The following CGN variants were observed in gnomAD, a reference collection of about 807,000 sequenced individuals.
The protein encoded by CGN is cingulin.
CGN carries 121 observed loss-of-function variants against 157.1 expected under a neutral mutation model. The ratio of observed to expected loss-of-function variants is 0.77; its 90% CI spans 0.66 to 0.90. The LOEUF is 0.90. Among genes scored for constraint, CGN ranks in the 40% least tolerant of loss-of-function variants. The probability of loss-of-function intolerance (pLI) is 0.00; values close to 1 mark genes in which losing one functional copy is unlikely to be tolerated. For synonymous variants in CGN, 535 were observed against 607.5 expected (o/e 0.88, Z 1.76); for missense variants, 1,424 against 1,520.9 (o/e 0.94, Z 1.06).
Position 151,529,588 on chromosome 1 carries a change from G to A in CGN, c.2106+29G>A, listed in dbSNP as rs113178036. 2,443 of 1,591,148 alleles carry A rather than the reference G, an allele frequency of 1.5e-3. 25 individuals carry two copies. In the African/African-American group the frequency reaches 0.015, roughly 10 times the overall value. ...AGGGGAGTGGGCACAGGGCTTAGGA[G>A]GTGGAGGCTGAGGGTGTCTGGAGGG... On this transcript the variant is annotated intron_variant, in intron 11 of 20. Coordinates refer to ENST00000271636, the MANE Select transcript of CGN (RefSeq NM_020770.3).
chr1:151,537,782 G>A lies in CGN; in HGVS notation c.*436G>A, dbSNP rs1183168359. On this transcript the variant is annotated 3_prime_UTR_variant, in exon 21 of 21. Transcript: ENST00000271636. ...CTCATTTTCCTTCCACTCTGGAGCA[G>A]GGTGAGGGGAATGTTATGGGTAACA... 6.3e-6 allele frequency: 1 copy of A among 157,720 alleles called. No homozygotes were observed. Among genetic ancestry groups the A allele is most frequent in the Admixed American group, 6.1e-5 (1 of 16,316 alleles). The allele number at this position is 157,720 out of a possible 1,614,324, so 9.8% of individuals were successfully genotyped here.
intron 3 of CGN, 64 bp downstream of exon 3, chr1:151,520,330 C>T (rs1664512554): frequency 6.4e-7 from 1 of 1,570,112 alleles, no homozygotes; most frequent in Non-Finnish European, 8.8e-7. Flanking sequence ...AGCTTTGTTT[C>T]CCATCTTCCC....
In CGN at chr1:151,532,913, C is replaced by T. The variant is rs570460960; in HGVS notation, c.2742+341C>T. On this transcript the variant is annotated intron_variant, in intron 14 of 20. Transcript: ENST00000271636. ...GGATAACAGGCATGAGCCACTGCGC[C>T]CAGCCCGGTCCTTGCCTCTTAACTG... is the stretch of plus-strand genomic sequence containing the variant. 2.6e-5 allele frequency among the ~76,000 whole-genome samples: 4 copies of T among 152,176 alleles called. No individual in the cohort carries two copies. In the South Asian group the frequency reaches 8.3e-4, roughly 32 times the overall value.
In CGN at chr1:151,536,816, C is replaced by T; in HGVS notation, c.3393C>T (p.Ala1131=). 6.2e-7 allele frequency: 1 copy of T among 1,614,024 alleles called. No homozygotes were observed. The highest frequency in any genetic ancestry group is 8.5e-7 in the Non-Finnish European group (1 of 1,180,002). The change falls in exon 20 of 21, where the codon GCC becomes GCT. Residue 1131 remains alanine, a synonymous_variant. Coordinates refer to ENST00000271636, the MANE Select transcript of CGN (RefSeq NM_020770.3). ...GACTGGACGGCCTGAGGAAGAAGGC[C>T]CAGCGTGAGGTGGAGGAGCAGCATG... ...IERLDGLRKK[A]QREVEEQHEV...
rs1664959553 is a variant in CGN at position 151,535,990 on chromosome 1, C to T, written c.3197+92C>T. The T allele has an allele frequency of 1.2e-5, 12 of 1,002,174 alleles. No individual in the cohort carries two copies. In the East Asian group the frequency reaches 2.8e-4, roughly 24 times the overall value. The allele number at this position is 1,002,174 out of a possible 1,614,324, so 62.1% of individuals were successfully genotyped here. On this transcript the variant is annotated intron_variant, in intron 18 of 20. Coordinates refer to ENST00000271636, the MANE Select transcript of CGN (RefSeq NM_020770.3). ...CCTCTGTGGCTCCCTCCATCTTCCACCTCAGATATGGCCAGCCTGGCCTGA... is the reference window on the plus strand; with the variant it reads ...CCTCTGTGGCTCCCTCCATCTTCCATCTCAGATATGGCCAGCCTGGCCTGA...
Position 151,519,254 on chromosome 1 carries a change from G to C in CGN, c.735G>C (p.Val245=). 4 of 1,614,094 alleles carry C rather than the reference G, an allele frequency of 2.5e-6. No individual in the cohort carries two copies. Among genetic ancestry groups the C allele is most frequent in the Non-Finnish European group, 3.4e-6 (4 of 1,180,022 alleles). The change falls in exon 2 of 21, where the codon GTG becomes GTC. Residue 245 remains valine, a synonymous_variant. Coordinates refer to ENST00000271636, the MANE Select transcript of CGN (RefSeq NM_020770.3). ...CTAGCACAAAATATGACAACCATGT[G>C]GGCACTTCGAAGCAGCCAGCCCAGA... is the stretch of plus-strand genomic sequence containing the variant. ...WTSSTKYDNH[V]GTSKQPAQSQ... is the part of the protein sequence containing the mutation.
intron 1 of CGN, among the ~76,000 whole-genome samples, chr1:151,516,279 C>T (rs1664408915): frequency 6.6e-6 from 1 of 152,188 alleles, no homozygotes; most frequent in Non-Finnish European, 1.5e-5. Flanking sequence ...GTGTTTCTGT[C>T]TGGCACGTTA....
intron 1 of CGN, among the ~76,000 whole-genome samples, chr1:151,515,957 C>T (rs1041745240): frequency 1.9e-4 from 29 of 152,170 alleles, no homozygotes; most frequent in African/African-American, 6.5e-4. Context: ...GTGCTGTCTC[C>T]TCAGGGAGAG....
chr1:151,534,691 A>C (rs759703571), intron 15 of CGN: 1 of 285,660 alleles, frequency 3.5e-6, no homozygotes, highest in Non-Finnish European at 6.7e-6. Flanking sequence ...TACTGCCTCC[A>C]GTACCTCAGT....
intron 13 of CGN, among the ~76,000 whole-genome samples, chr1:151,531,712 G>A (rs1192945347): frequency 1.3e-5 from 2 of 152,134 alleles, no homozygotes; most frequent in Non-Finnish European, 2.9e-5. Context: ...AAAAGAAAAG[G>A]AAATAAATTG....
chr1:151,537,184 T>C, intron 20 of CGN, 21 bp from the exon 21 acceptor site: 27 of 1,604,930 alleles, frequency 1.7e-5, no homozygotes, highest in Non-Finnish European at 2.3e-5. Flanking sequence ...TCCCCAACCA[T>C]TATTCTTCTC....
chr1:151,532,609 C>CCA, intron 14 of CGN, 37 bp downstream of exon 14: 134 of 1,156,008 alleles, frequency 1.2e-4, no homozygotes, highest in Non-Finnish European at 1.4e-4. Context: ...AAGGTCCTTG[C>CCA]CTCTTTTTTT....
chr1:151,529,987 C>CA lies in CGN; in HGVS notation c.2186dup (p.Glu730GlyfsTer4), dbSNP rs1664794908. 1.2e-6 allele frequency: 2 copies of CA among 1,614,032 alleles called. No individual in the cohort carries two copies. Among genetic ancestry groups the CA allele is most frequent in the African/African-American group, 2.7e-5 (2 of 74,914 alleles). Reference sequence around the variant, plus strand: ...AGTGGAGACGACGCTTCGGGAGACCCAGGAGGAAAATGACGAATTCCGCCG... The same window carrying CA: ...AGTGGAGACGACGCTTCGGGAGACCCAAGGAGGAAAATGACGAATTCCGCCG... On this transcript the variant is annotated frameshift_variant, in exon 12 of 21. Transcript: ENST00000271636. LOFTEE classifies it high-confidence loss of function.
Position 151,519,198 on chromosome 1 carries a change from C to A in CGN, c.679C>A (p.Arg227=), listed in dbSNP as rs140625740. Residue 227 remains arginine (R), a synonymous_variant, in exon 2 of 21, where the codon CGG becomes AGG. Transcript: ENST00000271636. The stretch of plus-strand genomic sequence containing the variant: ...CCTCCCACGGGACACCTTTGAGGAA[C>A]GGGAGCGCCAGTCCACCAACCACTG... ...SRLPRDTFEE[R]ERQSTNHWTS... 2 of 1,613,964 alleles carry A rather than the reference C, an allele frequency of 1.2e-6. No homozygotes were observed. Among genetic ancestry groups the A allele is most frequent in the African/African-American group, 2.7e-5 (2 of 74,930 alleles).
Position 151,537,408 on chromosome 1 carries a change from C to T in CGN, c.*62C>T. On this transcript the variant is annotated 3_prime_UTR_variant, in exon 21 of 21. Coordinates refer to ENST00000271636, the MANE Select transcript of CGN (RefSeq NM_020770.3). ...GCCTATCCCAGCAAGTGCTGCTCTG[C>T]TCTGCCCACCCTGGGTTCTGCATTC... is the stretch of plus-strand genomic sequence containing the variant. 2 of 1,491,400 alleles carry T rather than the reference C, an allele frequency of 1.3e-6. No homozygotes were observed. Among genetic ancestry groups the T allele is most frequent in the Non-Finnish European group, 1.8e-6 (2 of 1,090,600 alleles). The allele number at this position is 1,491,400 out of a possible 1,614,324, so 92.4% of individuals were successfully genotyped here.
chr1:151,523,754 T>TAC (rs1236444188), intron 6 of CGN, among the ~76,000 whole-genome samples, 193 bp downstream of exon 6: 2 of 152,208 alleles, frequency 1.3e-5, no homozygotes, highest in African/African-American at 4.8e-5. Context: ...TAGTGCATGA[T>TAC]TTGGAGTTAA....
In CGN at chr1:151,511,921, G is replaced by A. The variant is rs1431974767; in HGVS notation, c.-15+406G>A. 6.6e-6 allele frequency among the ~76,000 whole-genome samples: 1 copy of A among 152,160 alleles called. No homozygotes were observed. Among genetic ancestry groups the A allele is most frequent in the Non-Finnish European group, 1.5e-5 (1 of 68,020 alleles). Reference sequence around the variant, plus strand: ...CTGAGGTGCAGACTCGCCAGGGGAGGGCATCTGCAGGTGCTGCTCGCCTGA... The same window carrying A: ...CTGAGGTGCAGACTCGCCAGGGGAGAGCATCTGCAGGTGCTGCTCGCCTGA... On this transcript the variant is annotated intron_variant, in intron 1 of 20. Transcript: ENST00000271636. This position sits in a 1 kb window ranked among gnomAD's most constrained non-coding sequence, Gnocchi z 4.8.
chr1:151,516,088 T>C (rs1486791386), intron 1 of CGN, among the ~76,000 whole-genome samples: 1 of 152,220 alleles, frequency 6.6e-6, no homozygotes, highest in Non-Finnish European at 1.5e-5. Context: ...ATTCTAAGAA[T>C]GCTCTTCTTC....
intron 11 of CGN, 74 bp from the exon 12 acceptor site, chr1:151,529,835 C>G: frequency 2.9e-6 from 4 of 1,396,090 alleles, no homozygotes; most frequent in Non-Finnish European, 3.9e-6. Flanking sequence ...TGGGTGTGGT[C>G]AATGGCCCCA....
Sources: gnomAD v4.1 joint callset for allele counts (sites outside exome capture counted in the v4.1 genomes callset) on GRCh38, gnomAD v4.1.1 for gene constraint, Gnocchi (gnomAD v3.1) non-coding constraint, MANE v1.5 for transcripts, NCBI Gene and HGNC (gene_info 2026-07-23, HGNC 2026-07-21) for gene names.